LPXN: variants seen among roughly 807,000 people sequenced by gnomAD.
The protein encoded by LPXN is leupaxin.
LPXN carries 28 observed loss-of-function variants against 45.6 expected under a neutral mutation model. The observed-to-expected ratio is 0.61, with a 90% CI of 0.45 to 0.84. The LOEUF is 0.84. Ranked by LOEUF, LPXN falls within the 40% of genes least tolerant of loss-of-function variation. The probability of loss-of-function intolerance (pLI) is 0.00; values close to 1 mark genes in which losing one functional copy is unlikely to be tolerated. For missense variants in LPXN, 459 were observed against 475.0 expected (o/e 0.97, Z 0.31); for synonymous variants, 166 against 169.9 (o/e 0.98, Z 0.18).
rs1391784215 is a variant in LPXN at position 58,554,859 on chromosome 11, C to G, written c.300G>C (p.Leu100=). ...AAQLDELMAH[L]TEMQAKVAVR... ...CACTCACCTTGGCCTGCATCTCAGTCAGGTGAGCCATGAGCTCATCCAACT... is the reference window on the plus strand; with the variant it reads ...CACTCACCTTGGCCTGCATCTCAGTGAGGTGAGCCATGAGCTCATCCAACT... The change falls in exon 4 of 9, where the codon CTG becomes CTC. Residue 100 remains leucine, a synonymous_variant. Coordinates refer to ENST00000395074, the MANE Select transcript of LPXN (RefSeq NM_004811.3). 6.2e-7 allele frequency: 1 copy of G among 1,613,780 alleles called. No homozygotes were observed. Among genetic ancestry groups the G allele is most frequent in the Admixed American group, 1.7e-5 (1 of 60,004 alleles).
rs369486397 is a variant in LPXN at position 58,554,924 on chromosome 11, T to G, written c.235A>C (p.Lys79Gln). 6.2e-7 allele frequency: 1 copy of G among 1,613,808 alleles called. No homozygotes were observed. Among genetic ancestry groups the G allele is most frequent in the Non-Finnish European group, 8.5e-7 (1 of 1,179,856 alleles). ...LNVYSEAQEP[K>Q]ESPPPSKTSA... ...GTTTTAGAAGGTGGTGGTGATTCCT[T>G]TGGCTCTTGGGCTTCACTATAGAGG... Residue 79 changes from lysine (K) to glutamine (Q), a missense_variant, in exon 4 of 9, where the codon AAG becomes CAG. Transcript: ENST00000395074.
chr11:58,532,788 C>T (rs536449830), intron 7 of LPXN, among the ~76,000 whole-genome samples: 9 of 152,292 alleles, frequency 5.9e-5, no homozygotes, highest in East Asian at 3.9e-4. Context: ...GCAGGCTGCC[C>T]GAGCCAGCAG....
At chr11:58,537,781 TA>T (rs1442814060) in intron 7 of LPXN, among the ~76,000 whole-genome samples, 5 of 152,068 alleles carry the variant, frequency 3.3e-5, no homozygotes, top group African/African-American at 9.7e-5. Flanking sequence ...TTTATTTTAT[TA>T]TTATTATACT....
chr11:58,573,620 A>T (rs1037720965), intron 1 of LPXN, among the ~76,000 whole-genome samples: 1 of 152,126 alleles, frequency 6.6e-6, no homozygotes, highest in Non-Finnish European at 1.5e-5. Context: ...GTTTCATATG[A>T]GTGTGCATAT....
chr11:58,570,523 C>T, intron 2 of LPXN, 33 bp downstream of exon 2: 2 of 1,503,624 alleles, frequency 1.3e-6, no homozygotes, highest in Non-Finnish European at 1.8e-6. Flanking sequence ...CTCAAACATC[C>T]ATGTTTAAGG....
intron 4 of LPXN, chr11:58,553,974 GCTTGCTCA>G (rs1854125715): frequency 6.6e-6 from 1 of 152,370 alleles, no homozygotes; most frequent in Non-Finnish European, 1.5e-5. Flanking sequence ...CTGTGTCTCA[GCTTGCTCA>G]CTGGTCTCCT....
chr11:58,544,407 A>C (rs925693443), intron 7 of LPXN, among the ~76,000 whole-genome samples: 1 of 152,216 alleles, frequency 6.6e-6, no homozygotes, highest in African/African-American at 2.4e-5. Flanking sequence ...CTGATGCTGC[A>C]TAAAGCAAAT....
rs1854037381 is a variant in LPXN, at chr11:58,551,130, C to A, written c.421G>T (p.Asp141Tyr). The A allele has an allele frequency of 1.2e-6, 2 of 1,610,852 alleles. No homozygotes were observed. Among genetic ancestry groups the A allele is most frequent in the African/African-American group, 2.7e-5 (2 of 74,776 alleles). The change falls in exon 5 of 9, where the codon GAC (aspartate) becomes TAC (tyrosine). Residue 141 changes from aspartate to tyrosine, a missense_variant. By Grantham distance (160) the Asp-to-Tyr change is radical (BLOSUM62 -3). Transcript: ENST00000395074. ...MLGGLEQELQ[D>Y]LGIATVPKGH... is the part of the protein sequence containing the mutation. ...TTGGGCACTGTGGCAATGCCAAGGT[C>A]CTGCAATTCCTGCTCCAGACCCCCA...
chr11:58,531,220 G>A (rs1375031256), intron 7 of LPXN, among the ~76,000 whole-genome samples: 1 of 152,084 alleles, frequency 6.6e-6, no homozygotes, highest in Non-Finnish European at 1.5e-5. Context: ...ACTGATAGAA[G>A]TAGGCTTCAG....
intron 3 of LPXN, among the ~76,000 whole-genome samples, chr11:58,559,224 C>A (rs1854299694): frequency 1.3e-5 from 2 of 152,080 alleles, no homozygotes; most frequent in African/African-American, 4.8e-5. Context: ...TATATATACA[C>A]ATACACATTT....
At chr11:58,570,968 A>G (rs780108869) in intron 1 of LPXN, among the ~76,000 whole-genome samples, 4 of 152,234 alleles carry the variant, frequency 2.6e-5, no homozygotes, top group Non-Finnish European at 5.9e-5. Flanking sequence ...CTCATGCTAT[A>G]ATTTGATTTT....
At chr11:58,568,140 T>C (rs1044922141) in intron 2 of LPXN, among the ~76,000 whole-genome samples, 1 of 152,274 alleles carries the variant, frequency 6.6e-6, no homozygotes, top group Admixed American at 6.5e-5. Flanking sequence ...CAGAAATTCT[T>C]CTGCTACCAC....
chr11:58,551,331 T>G, intron 4 of LPXN, 99 bp from the exon 5 acceptor site: 3 of 1,009,392 alleles, frequency 3.0e-6, no homozygotes, highest in Non-Finnish European at 4.0e-6. Context: ...GACTGATCTC[T>G]TGGCCTTTCC....
chr11:58,566,787 A>C (rs1016248603), intron 2 of LPXN, among the ~76,000 whole-genome samples: 5 of 152,214 alleles, frequency 3.3e-5, no homozygotes, highest in Admixed American at 1.3e-4. Flanking sequence ...TAATCGATTA[A>C]AAATTTCCAA....
intron 6 of LPXN, 41 bp downstream of exon 6, chr11:58,549,932 G>C: frequency 6.2e-7 from 1 of 1,613,864 alleles, no homozygotes; most frequent in South Asian, 1.1e-5. Flanking sequence ...CTGGTTCTAA[G>C]TGAGTGACTG....
At chr11:58,542,935 CA>C (rs1260198585) in intron 7 of LPXN, among the ~76,000 whole-genome samples, 5 of 152,124 alleles carry the variant, frequency 3.3e-5, no homozygotes, top group African/African-American at 1.2e-4. Context: ...TTTACACTTA[CA>C]ACAAAATTAA....
chr11:58,562,777 T>G (rs1854415382), intron 3 of LPXN, among the ~76,000 whole-genome samples: 1 of 151,322 alleles, frequency 6.6e-6, no homozygotes. Context: ...AAGATAAAGC[T>G]GCTGACAGAG....
chr11:58,567,326 A>T (rs1024787253), intron 2 of LPXN, among the ~76,000 whole-genome samples: 1 of 152,232 alleles, frequency 6.6e-6, no homozygotes, highest in Non-Finnish European at 1.5e-5. Context: ...CTAGGAAATA[A>T]ATTTTCACAT....
rs1853242085 is a variant in LPXN at position 58,526,882 on chromosome 11, A to G, written c.*572T>C. 1 of 154,440 alleles carries G rather than the reference A, an allele frequency of 6.5e-6. No homozygotes were observed. Among genetic ancestry groups the G allele is most frequent in the Admixed American group, 6.4e-5 (1 of 15,614 alleles). 9.6% of individuals were successfully genotyped at this position (154,440 alleles called of 1,614,324 possible). On this transcript the variant is annotated 3_prime_UTR_variant, in exon 9 of 9. Coordinates refer to ENST00000395074, the MANE Select transcript of LPXN (RefSeq NM_004811.3). ...AATATGACAATGAGTTATTGAAACC[A>G]CAAGCCAGTTTATTTATCAATGATG...
Sources: gnomAD v4.1 joint callset for allele counts (sites outside exome capture counted in the v4.1 genomes callset) on GRCh38, gnomAD v4.1.1 for gene constraint, MANE v1.5 for transcripts, NCBI Gene and HGNC (gene_info 2026-07-23, HGNC 2026-07-21) for gene names.